The following LRP1B variants were observed in gnomAD, a reference collection of about 807,000 sequenced individuals.
The protein encoded by LRP1B is LDL receptor related protein 1B.
LRP1B carries 217 observed loss-of-function variants against 556.6 expected under a neutral mutation model. The observed-to-expected ratio is 0.39, with a 90% CI of 0.35 to 0.44. LRP1B has a LOEUF of 0.44. Among genes scored for constraint, LRP1B ranks in the 20% least tolerant of loss-of-function variants. LRP1B has a pLI of 1.00. For synonymous variants in LRP1B, 2,047 were observed against 1,865.8 expected, an observed-to-expected ratio of 1.10 and a Z score of -2.50; for missense variants, 5,053 against 5,620.8, an observed-to-expected ratio of 0.90 and a Z score of 3.23.
intron 29 of LRP1B, among the ~76,000 whole-genome samples, chr2:140,845,824 G>T (rs530356681): frequency 6.6e-6 from 1 of 152,102 alleles, no homozygotes; most frequent in South Asian, 2.1e-4. Context: ...ATTGAAAGAA[G>T]TTAACAGAGT....
chr2:142,075,987 G>A (rs971453413), intron 1 of LRP1B, among the ~76,000 whole-genome samples: 4 of 152,062 alleles, frequency 2.6e-5, no homozygotes, highest in South Asian at 2.1e-4. Context: ...ATTCACTGCT[G>A]TAAATCATAG....
At chr2:140,811,484 G>A (rs537593648) in intron 32 of LRP1B, among the ~76,000 whole-genome samples, 5 of 152,008 alleles carry the variant, frequency 3.3e-5, no homozygotes, top group South Asian at 4.2e-4. Context: ...AAAAGTCACC[G>A]ACTTTCCTTG....
At chr2:140,581,935 AT>A (rs1273160074) in intron 43 of LRP1B, among the ~76,000 whole-genome samples, 1 of 152,142 alleles carries the variant, frequency 6.6e-6, no homozygotes, top group Non-Finnish European at 1.5e-5. Flanking sequence ...TTAAATTGAT[AT>A]TGTTTCCGTG....
chr2:141,198,387 C>T (rs1164172848), intron 6 of LRP1B, among the ~76,000 whole-genome samples: 1 of 152,118 alleles, frequency 6.6e-6, no homozygotes, highest in Non-Finnish European at 1.5e-5. Flanking sequence ...TAATGAAAGA[C>T]TGTCCCCATC....
chr2:140,570,294 C>T (rs953627185), intron 43 of LRP1B, among the ~76,000 whole-genome samples: 2 of 150,110 alleles, frequency 1.3e-5, no homozygotes, highest in Admixed American at 6.6e-5. Flanking sequence ...TCTAGGGTAA[C>T]CAGGAAAAAA....
At chr2:140,295,631 C>A (rs2104995911) in intron 84 of LRP1B, among the ~76,000 whole-genome samples, 1 of 152,258 alleles carries the variant, frequency 6.6e-6, no homozygotes, top group Non-Finnish European at 1.5e-5. Context: ...CTCGCAAATG[C>A]TAAATAGGTA....
At chr2:140,481,656 G>C (rs1214658256) in intron 59 of LRP1B, among the ~76,000 whole-genome samples, 1 of 149,788 alleles carries the variant, frequency 6.7e-6, no homozygotes, top group Non-Finnish European at 1.5e-5. Context: ...TCTACAAACT[G>C]ATCATTTCAC....
At chr2:141,983,608 C>T (rs1702103317) in intron 1 of LRP1B, among the ~76,000 whole-genome samples, 1 of 152,142 alleles carries the variant, frequency 6.6e-6, no homozygotes, top group South Asian at 2.1e-4. Context: ...CCTCTCCAGG[C>T]ATCTTTCTTT....
chr2:141,091,255 A>G (rs1202721773), intron 7 of LRP1B, among the ~76,000 whole-genome samples: 2 of 152,134 alleles, frequency 1.3e-5, no homozygotes, highest in African/African-American at 4.8e-5. Context: ...GAAAACAGAG[A>G]GCTATTGGAA....
At chr2:141,612,747 G>A (rs138124968) in intron 2 of LRP1B, among the ~76,000 whole-genome samples, 9 of 152,098 alleles carry the variant, frequency 5.9e-5, no homozygotes, top group African/African-American at 9.7e-5. Context: ...TTTCGCCTTC[G>A]CATCACTCAG....
chr2:141,404,051 C>T lies in LRP1B; in HGVS notation c.343+76345G>A, dbSNP rs116691624. ...CTCTACACAGTGGGGATATTGGATA[C>T]AAGAAACTCAAAAGGTTCCAGATGT... On this transcript the variant is annotated intron_variant, in intron 3 of 90. Transcript: ENST00000389484. 3.6e-3 allele frequency among the ~76,000 whole-genome samples: 543 copies of T among 152,204 alleles called. 2 individuals are homozygous for T. Among genetic ancestry groups the T allele is most frequent in the African/African-American group, 0.011 (475 of 41,538 alleles).
chr2:141,317,604 T>C (rs1687082810), intron 3 of LRP1B, among the ~76,000 whole-genome samples: 1 of 152,144 alleles, frequency 6.6e-6, no homozygotes, highest in Admixed American at 6.6e-5. Flanking sequence ...CCTATCTCCT[T>C]TGAATATAAT....
chr2:140,239,168 G>A (rs1306421968), intron 88 of LRP1B, among the ~76,000 whole-genome samples: 2 of 150,714 alleles, frequency 1.3e-5, no homozygotes, highest in East Asian at 3.9e-4. Flanking sequence ...AAAGATAACT[G>A]CAAATGTAAA....
intron 5 of LRP1B, among the ~76,000 whole-genome samples, chr2:141,232,648 T>C (rs1162391061): frequency 1.3e-5 from 2 of 152,160 alleles, no homozygotes; most frequent in Non-Finnish European, 2.9e-5. Flanking sequence ...AGTTAATTGT[T>C]TTAGTGAAAA....
chr2:140,458,902 A>T (rs1261192354), intron 60 of LRP1B, among the ~76,000 whole-genome samples: 1 of 152,044 alleles, frequency 6.6e-6, no homozygotes, highest in African/African-American at 2.4e-5. Context: ...ATAGAAATAA[A>T]AGAAATAAAA....
chr2:142,004,141 G>C (rs921492853), intron 1 of LRP1B, among the ~76,000 whole-genome samples: 1 of 152,158 alleles, frequency 6.6e-6, no homozygotes, highest in Non-Finnish European at 1.5e-5. Context: ...AAGAAGGTTA[G>C]GAAGAAATTT....
At chr2:140,687,451 T>C (rs1271039036) in intron 41 of LRP1B, among the ~76,000 whole-genome samples, 1 of 152,170 alleles carries the variant, frequency 6.6e-6, no homozygotes, top group African/African-American at 2.4e-5. Context: ...TAAGGCTAAC[T>C]GGGAAAAGAT....
chr2:141,668,506 G>A lies in LRP1B; in HGVS notation c.205+141773C>T, dbSNP rs1174873588. ...GAAAGTCAGCGTGGCAGAGAGGAGT[G>A]AAGAGAAGGAATGTCTGAACATCGA... is the stretch of plus-strand genomic sequence containing the variant. On this transcript the variant is annotated intron_variant, in intron 2 of 90. Coordinates refer to ENST00000389484, the MANE Select transcript of LRP1B (RefSeq NM_018557.3). Among the ~76,000 whole-genome samples the A allele has an allele frequency of 2.6e-5, 4 of 152,310 alleles. No individual in the cohort carries two copies. The East Asian group carries it at 7.7e-4, about 29-fold the overall frequency.
At chr2:141,630,039 C>T (rs1688852223) in intron 2 of LRP1B, among the ~76,000 whole-genome samples, 1 of 152,156 alleles carries the variant, frequency 6.6e-6, no homozygotes, top group Non-Finnish European at 1.5e-5. Flanking sequence ...TAACTTCATC[C>T]AAGGTCCCTC....
Sources: gnomAD v4.1 joint callset for allele counts (sites outside exome capture counted in the v4.1 genomes callset) on GRCh38, gnomAD v4.1.1 for gene constraint, MANE v1.5 for transcripts, NCBI Gene and HGNC (gene_info 2026-07-23, HGNC 2026-07-21) for gene names.